Variants in CLIP4 observed in about 807,000 individuals in gnomAD.
The protein encoded by CLIP4 is CAP-Gly domain containing linker protein family member 4, also known as CAP-Gly domain-containing linker protein 4.
A neutral mutation model predicts 73.1 loss-of-function variants in CLIP4; 47 were observed. The observed-to-expected ratio is 0.64, with a 90% confidence interval of 0.51 to 0.82. The LOEUF is 0.82. CLIP4 is among the 40% of genes least tolerant of loss of function. CLIP4 has a pLI of 0.00. For synonymous variants in CLIP4, 306 were observed against 295.4 expected, an observed-to-expected ratio of 1.04 and a Z score of -0.37; for missense variants, 874 against 852.9, an observed-to-expected ratio of 1.02 and a Z score of -0.31.
At chr2:29,110,459 A>G (rs944985235), upstream of CLIP4, among the ~76,000 whole-genome samples, 2 of 152,250 alleles carry the variant, frequency 1.3e-5, no homozygotes, top group African/African-American at 4.8e-5. Context: ...TGGAGAATCC[A>G]AAAATATGAT....
chr2:29,148,243 C>T (rs552899465), intron 8 of CLIP4, among the ~76,000 whole-genome samples: 3 of 152,326 alleles, frequency 2.0e-5, no homozygotes, highest in South Asian at 4.1e-4. Context: ...GGGGAATCCC[C>T]TGGCTAATCA....
chr2:29,177,593 ATATATATAT>A (rs1573050290), intron 15 of CLIP4, among the ~76,000 whole-genome samples: 1 of 151,770 alleles, frequency 6.6e-6, no homozygotes, highest in East Asian at 1.9e-4. Context: ...AAAAAAAGTA[ATATATATAT>A]TTTTCTCAGA....
In CLIP4 at chr2:29,160,475, A is replaced by G. The variant is rs139915340; in HGVS notation, c.1534+8A>G. Reference sequence around the variant, plus strand: ...CAACAAACTTCGCTCCAGGTAACTCATCTGCATATTTTCTTAACTTGAATT... The same window carrying G: ...CAACAAACTTCGCTCCAGGTAACTCGTCTGCATATTTTCTTAACTTGAATT... On this transcript the variant is annotated splice_region_variant and intron_variant, in intron 12 of 15. Coordinates refer to ENST00000320081, the MANE Select transcript of CLIP4 (RefSeq NM_024692.6). 6.8e-5 allele frequency: 110 copies of G among 1,613,256 alleles called. No homozygotes were observed. In the African/African-American group the frequency reaches 1.3e-3, roughly 19 times the overall value.
intron 15 of CLIP4, among the ~76,000 whole-genome samples, chr2:29,177,347 T>G (rs1668401185): frequency 6.6e-6 from 1 of 151,792 alleles, no homozygotes; most frequent in African/African-American, 2.4e-5. Context: ...AGGCAGGGGT[T>G]TCATTGAGCC....
At chr2:29,100,212 G>A (rs966692961) in intron 1 of CLIP4, among the ~76,000 whole-genome samples, 1 of 152,042 alleles carries the variant, frequency 6.6e-6, no homozygotes. Context: ...TTACAGGCAT[G>A]AGCCACCATG....
intron 8 of CLIP4, among the ~76,000 whole-genome samples, chr2:29,149,658 G>C (rs1666413839): frequency 6.6e-6 from 1 of 151,284 alleles, no homozygotes; most frequent in African/African-American, 2.4e-5. Context: ...AGTAATAGAG[G>C]CCGCCCATAT....
At chr2:29,146,711 C>G (rs1666195986) in intron 8 of CLIP4, among the ~76,000 whole-genome samples, 1 of 152,130 alleles carries the variant, frequency 6.6e-6, no homozygotes, top group African/African-American at 2.4e-5. Flanking sequence ...TGGAGTCTGA[C>G]TGCTTTTGTG....
chr2:29,102,347 A>G (rs1455972425), intron 1 of CLIP4, among the ~76,000 whole-genome samples: 2 of 152,196 alleles, frequency 1.3e-5, no homozygotes, highest in Non-Finnish European at 2.9e-5. Context: ...AAGGACATAT[A>G]CACAACTTTG....
chr2:29,163,796 A>G lies in CLIP4; in HGVS notation c.1535-35A>G, dbSNP rs763939666. 10 of 1,598,922 alleles carry G rather than the reference A, an allele frequency of 6.3e-6. No individual in the cohort carries two copies. In the East Asian group the frequency reaches 1.1e-4, roughly 18 times the overall value. On this transcript the variant is annotated intron_variant, in intron 12 of 15. Transcript: ENST00000320081. ...GTAGCATAAGAGTTTTGGATAAAGT[A>G]CAGATGCTTTTGAAATGCAATATTC...
At chr2:29,133,844 A>G (rs1050688008) in intron 5 of CLIP4, 28 bp downstream of exon 5, 1 of 1,532,630 alleles carries the variant, frequency 6.5e-7, no homozygotes, top group African/African-American at 1.4e-5. Flanking sequence ...ACCTTTAGAT[A>G]TTATTAACTG....
intron 1 of CLIP4, among the ~76,000 whole-genome samples, chr2:29,099,243 C>T (rs2148428144): frequency 6.6e-6 from 1 of 152,136 alleles, no homozygotes; most frequent in African/African-American, 2.4e-5. Flanking sequence ...ATTAATTATG[C>T]CTTTGGTGTT....
chr2:29,103,087 C>A (rs928952413), intron 1 of CLIP4, among the ~76,000 whole-genome samples: 10 of 152,170 alleles, frequency 6.6e-5, no homozygotes, highest in Non-Finnish European at 1.2e-4. Context: ...CATTTTACCC[C>A]TGGGCCTGGC....
intron 1 of CLIP4, among the ~76,000 whole-genome samples, chr2:29,120,312 AC>A (rs1664168376): frequency 1.3e-5 from 2 of 152,190 alleles, no homozygotes; most frequent in Admixed American, 6.5e-5. Flanking sequence ...TATTAAGAAA[AC>A]ATGAATCAAG....
chr2:29,129,676 A>G (rs960848431), intron 2 of CLIP4, among the ~76,000 whole-genome samples: 7 of 151,934 alleles, frequency 4.6e-5, no homozygotes, highest in Non-Finnish European at 7.4e-5. Flanking sequence ...TAGAGAAGCT[A>G]TTTTTGAGTC....
At position 29,135,539 on chromosome 2, in the gene CLIP4, T is replaced by C; in HGVS notation, c.530-9T>C. ...TTTTAGTTAATATACTTATGATGTT[T>C]AATTGCAGATGTGGATGCCACTTGC... On this transcript the variant is annotated splice_polypyrimidine_tract_variant and intron_variant, in intron 5 of 15. Transcript: ENST00000320081. The C allele has an allele frequency of 6.3e-7, 1 of 1,586,204 alleles. No individual in the cohort carries two copies. The highest frequency in any genetic ancestry group is 2.3e-5 in the East Asian group (1 of 44,342).
chr2:29,166,265 G>A (rs1573010659), intron 13 of CLIP4, among the ~76,000 whole-genome samples: 1 of 152,084 alleles, frequency 6.6e-6, no homozygotes. Flanking sequence ...GTAGTGTCCA[G>A]TCACAATCAC....
intron 2 of CLIP4, among the ~76,000 whole-genome samples, chr2:29,129,722 G>T: frequency 6.6e-6 from 1 of 151,998 alleles, no homozygotes; most frequent in East Asian, 1.9e-4. Flanking sequence ...ACAAATCAAA[G>T]AATGCATTCC....
intron 14 of CLIP4, among the ~76,000 whole-genome samples, chr2:29,170,072 G>T (rs540711089): frequency 1.3e-5 from 2 of 152,294 alleles, no homozygotes; most frequent in Admixed American, 6.5e-5. Flanking sequence ...GTTGCTGCAA[G>T]TGACAGGATT....
chr2:29,143,696 T>C lies in CLIP4; in HGVS notation c.649-13T>C, dbSNP rs1421289830. 1.3e-6 allele frequency: 2 copies of C among 1,565,404 alleles called. No individual in the cohort carries two copies. Among genetic ancestry groups the C allele is most frequent in the East Asian group, 2.2e-5 (1 of 44,454 alleles). Reference sequence around the variant, plus strand: ...GTAAGAGTTGAACATTTTTCTCTTATCTTTATTTGTAGAATGACAAAGGAC... The same window carrying C: ...GTAAGAGTTGAACATTTTTCTCTTACCTTTATTTGTAGAATGACAAAGGAC... On this transcript the variant is annotated splice_polypyrimidine_tract_variant and intron_variant, in intron 6 of 15. Transcript: ENST00000320081.
Sources: gnomAD v4.1 joint callset for allele counts (sites outside exome capture counted in the v4.1 genomes callset) on GRCh38, gnomAD v4.1.1 for gene constraint, MANE v1.5 for transcripts, NCBI Gene and HGNC (gene_info 2026-07-23, HGNC 2026-07-21) for gene names.